Variants in SYNJ1 observed in about 807,000 individuals in gnomAD.
SYNJ1 encodes the protein synaptojanin 1, also known as polyphosphatidylinositol phosphatase SYNJ1.
Under a neutral mutation model 168.2 loss-of-function variants are expected in SYNJ1, and 78 were observed. The ratio of observed to expected loss-of-function variants is 0.46; its 90% CI spans 0.39 to 0.56. The LOEUF (loss-of-function observed/expected upper bound fraction) is 0.56, where lower values mean the gene tolerates loss of function less well. Ranked by LOEUF, SYNJ1 falls within the 20% of genes least tolerant of loss-of-function variation. The pLI, the probability that SYNJ1 is intolerant of heterozygous loss-of-function variation, is 0.00. For synonymous variants in SYNJ1, 539 were observed against 548.6 expected (o/e 0.98, Z 0.24); for missense variants, 1,303 against 1,597.6 (o/e 0.82, Z 3.14).
Position 32,646,797 on chromosome 21 carries a change from G to T in SYNJ1, c.3038-195C>A, listed in dbSNP as rs566217415. Among the ~76,000 whole-genome samples the T allele has an allele frequency of 2.0e-5, 3 of 152,254 alleles. No homozygotes were observed. In the East Asian group the frequency reaches 5.8e-4, roughly 29 times the overall value. On this transcript the variant is annotated intron_variant, in intron 23 of 32. Coordinates refer to ENST00000674351, the MANE Select transcript of SYNJ1 (RefSeq NM_203446.3). ...AATGCTTGTTTCAGAAGATGTAAAGGTATCTATTGTCTCTGAGCAATAAGA... is the reference window on the plus strand; with the variant it reads ...AATGCTTGTTTCAGAAGATGTAAAGTTATCTATTGTCTCTGAGCAATAAGA...
At chr21:32,709,828 C>A (rs576241500) in intron 2 of SYNJ1, among the ~76,000 whole-genome samples, 4 of 152,096 alleles carry the variant, frequency 2.6e-5, no homozygotes, top group African/African-American at 9.6e-5. Flanking sequence ...AAAAACACTG[C>A]CTATTAAACT....
rs1397138098 is a variant in SYNJ1 at position 32,699,881 on chromosome 21, G to A, written c.436C>T (p.His146Tyr). The change falls in exon 4 of 33, where the codon CAT (histidine) becomes TAT (tyrosine). Residue 146 changes from histidine (H) to tyrosine (Y), a missense_variant. Physicochemically the swap from His to Tyr is moderately conservative, Grantham distance 83 (BLOSUM62 2). Around this residue, in one of 2 missense-constraint regions of SYNJ1, gnomAD observed 920 missense variants for 1,208.8 expected, o/e 0.76. Coordinates refer to ENST00000674351, the MANE Select transcript of SYNJ1 (RefSeq NM_203446.3). ...GISLDLSLNA[H>Y]RSMQEQTTDN... ...GTTGTCTGTTCTTGCATGCTACGATGCGCATTAAGACTCAAATCTAAACTG... is the reference window on the plus strand; with the variant it reads ...GTTGTCTGTTCTTGCATGCTACGATACGCATTAAGACTCAAATCTAAACTG... The A allele has an allele frequency of 6.2e-7, 1 of 1,613,964 alleles. No homozygotes were observed. The highest frequency in any genetic ancestry group is 1.3e-5 in the African/African-American group (1 of 74,902).
At chr21:32,639,607 A>C in intron 30 of SYNJ1, 64 bp downstream of exon 30, 2 of 1,362,952 alleles carry the variant, frequency 1.5e-6, no homozygotes, top group Admixed American at 1.7e-5. Context: ...TATGTTGCCC[A>C]AGCTGGTCTC....
chr21:32,675,795 A>T (rs2041384526), intron 13 of SYNJ1, among the ~76,000 whole-genome samples: 1 of 152,258 alleles, frequency 6.6e-6, no homozygotes, highest in Non-Finnish European at 1.5e-5. Flanking sequence ...CTTTGTTAGA[A>T]ATCTTGGCAC....
In SYNJ1 at chr21:32,685,825, T is replaced by A. The variant is rs1430159034; in HGVS notation, c.1041A>T (p.Leu347Phe). The change falls in exon 9 of 33, where the codon TTA becomes TTT. Residue 347 changes from leucine (L) to phenylalanine (F), a missense_variant. Leu to Phe is a conservative substitution (Grantham distance 22, BLOSUM62 0). Transcript: ENST00000674351. ...GGACTTGAGGTTTAAGAACACTATG[T>A]AATTTTTCTGCCTTTCCTCCCTTAA... is the stretch of plus-strand genomic sequence containing the variant. ...QMVKGGKAEK[L>F]HSVLKPQVQK... is the part of the protein sequence containing the mutation. 3.7e-6 allele frequency: 6 copies of A among 1,613,400 alleles called. No individual in the cohort carries two copies. Among genetic ancestry groups the A allele is most frequent in the Non-Finnish European group, 5.1e-6 (6 of 1,179,656 alleles).
chr21:32,643,285 G>A (rs963092748), intron 27 of SYNJ1, 125 bp downstream of exon 27: 4 of 936,426 alleles, frequency 4.3e-6, no homozygotes, highest in East Asian at 2.4e-5. Flanking sequence ...AGGGGAAAGA[G>A]AAGTTTACAG....
At chr21:32,674,808 T>G (rs1327383871) in intron 13 of SYNJ1, among the ~76,000 whole-genome samples, 2 of 152,182 alleles carry the variant, frequency 1.3e-5, no homozygotes, top group African/African-American at 4.8e-5. Context: ...TGATCTTATT[T>G]TATTATGATA....
upstream of SYNJ1, chr21:32,728,023 G>A (rs2146448461): frequency 2.0e-6 from 3 of 1,535,682 alleles, no homozygotes; most frequent in African/African-American, 1.4e-5. Flanking sequence ...CGCTCCAGCA[G>A]GCCCATCTCT....
intron 10 of SYNJ1, among the ~76,000 whole-genome samples, chr21:32,683,301 A>T (rs1182189877): frequency 6.6e-6 from 1 of 151,860 alleles, no homozygotes; most frequent in East Asian, 1.9e-4. Flanking sequence ...AGTTGAGACT[A>T]TGTTTATCTT....
intron 2 of SYNJ1, among the ~76,000 whole-genome samples, chr21:32,720,008 G>A (rs1043196275): frequency 1.3e-5 from 2 of 152,032 alleles, no homozygotes; most frequent in African/African-American, 4.8e-5. Context: ...GGAAGGCCGA[G>A]GTGGGCAGAT....
chr21:32,697,480 C>A (rs927185833), intron 4 of SYNJ1, among the ~76,000 whole-genome samples: 12 of 148,574 alleles, frequency 8.1e-5, no homozygotes, highest in African/African-American at 3.0e-4. Flanking sequence ...TTGCCCCCAT[C>A]TCTACTCTTA....
intron 18 of SYNJ1, among the ~76,000 whole-genome samples, chr21:32,663,316 C>A (rs1601334619): frequency 6.6e-6 from 1 of 152,174 alleles, no homozygotes; most frequent in Admixed American, 6.5e-5. Flanking sequence ...ACTTAGTTGT[C>A]TGGGACAGAA....
intron 1 of SYNJ1, among the ~76,000 whole-genome samples, chr21:32,727,329 A>C (rs1386172555): frequency 6.6e-6 from 1 of 152,128 alleles, no homozygotes; most frequent in Non-Finnish European, 1.5e-5. Context: ...AGGTGAAAGG[A>C]GCGGAGGTGG....
At chr21:32,714,979 T>C (rs1241215638) in intron 2 of SYNJ1, among the ~76,000 whole-genome samples, 1 of 152,162 alleles carries the variant, frequency 6.6e-6, no homozygotes, top group Non-Finnish European at 1.5e-5. Flanking sequence ...CCAGCTCTCA[T>C]CAATCCTACG....
intron 6 of SYNJ1, among the ~76,000 whole-genome samples, chr21:32,691,062 A>G (rs1250617820): frequency 6.6e-6 from 1 of 152,188 alleles, no homozygotes; most frequent in East Asian, 1.9e-4. Context: ...TAGACCTTAC[A>G]ATGTTTACCA....
intron 15 of SYNJ1, 109 bp from the exon 16 acceptor site, chr21:32,666,682 A>G: frequency 8.7e-7 from 1 of 1,149,762 alleles, no homozygotes; most frequent in Non-Finnish European, 1.2e-6. Context: ...TAAGACTCTG[A>G]AGGAAGCTTA....
At chr21:32,683,183 T>C (rs2041686843) in intron 10 of SYNJ1, among the ~76,000 whole-genome samples, 1 of 152,134 alleles carries the variant, frequency 6.6e-6, no homozygotes. Context: ...TTGAGAACTA[T>C]GTTAAGTTCT....
At chr21:32,703,050 T>C (rs1178015164) in intron 2 of SYNJ1, among the ~76,000 whole-genome samples, 1 of 152,262 alleles carries the variant, frequency 6.6e-6, no homozygotes, top group Non-Finnish European at 1.5e-5. Flanking sequence ...TCCAGAGTCC[T>C]ATAGAACATC....
At position 32,630,814 on chromosome 21, in the gene SYNJ1, A is replaced by G; in HGVS notation, c.*991T>C. On this transcript the variant is annotated 3_prime_UTR_variant, in exon 33 of 33. Transcript: ENST00000674351. ...CATCAAAACTCCAGTTAACAATGAG[A>G]AGGGTTTTTCCTTATTTCCAATATA... The G allele has an allele frequency of 1.7e-6, 1 of 575,772 alleles. No homozygotes were observed. Among genetic ancestry groups the G allele is most frequent in the South Asian group, 3.3e-5 (1 of 30,716 alleles). The allele number at this position is 575,772 out of a possible 1,614,324, so 35.7% of individuals were successfully genotyped here.
Sources: allele counts gnomAD v4.1 joint callset (sites outside exome capture counted in the v4.1 genomes callset), GRCh38; gene constraint gnomAD v4.1.1; regional missense constraint gnomAD v4.1.1; transcripts MANE v1.5; gene names NCBI Gene and HGNC (gene_info 2026-07-23, HGNC 2026-07-21).